TANGO6: variants seen among roughly 807,000 people sequenced by gnomAD.
TANGO6 encodes the protein transport and Golgi organization protein 6 homolog.
TANGO6 carries 90 observed loss-of-function variants against 114.2 expected under a neutral mutation model. The ratio of observed to expected loss-of-function variants is 0.79; its 90% CI spans 0.66 to 0.94. TANGO6 has a LOEUF of 0.94. Ranked by LOEUF, TANGO6 falls within the 40% of genes least tolerant of loss-of-function variation. TANGO6 has a pLI of 0.00. For synonymous variants in TANGO6, 477 were observed against 509.8 expected (o/e 0.94, Z 0.87); for missense variants, 1,274 against 1,315.3 (o/e 0.97, Z 0.49).
intron 1 of TANGO6, among the ~76,000 whole-genome samples, chr16:68,844,860 CCACTAAAAGTATGGTAAATATGCTA>C (rs998548897): frequency 1.4e-4 from 21 of 152,162 alleles, no homozygotes; most frequent in African/African-American, 4.6e-4. Context: ...TAGGTTATTT[CCACTAAAAGTATGGTAAATATGCTA>C]CATTGTCTCA....
rs1198050231 is a variant in TANGO6 at position 68,943,363 on chromosome 16, ATTT to A, written c.2701+13084_2701+13086del. Among the ~76,000 whole-genome samples the A allele has an allele frequency of 7.0e-3, 917 of 131,592 alleles. 13 individuals are homozygous for A. The highest frequency in any genetic ancestry group is 0.024 in the African/African-American group (873 of 35,742). 86.3% of individuals were successfully genotyped at this position (131,592 alleles called of 152,430 possible). On this transcript the variant is annotated intron_variant, in intron 14 of 17. Coordinates refer to ENST00000261778, the MANE Select transcript of TANGO6 (RefSeq NM_024562.2). ...AGCTCACTGCAACCTGAATCTGAGAATTTTTTTTTTTTTTTTTTGAGACAGAGT... is the reference window on the plus strand; with the variant it reads ...AGCTCACTGCAACCTGAATCTGAGAATTTTTTTTTTTTTTTGAGACAGAGT...
At chr16:69,020,050 A>G (rs1038208801) in intron 15 of TANGO6, among the ~76,000 whole-genome samples, 29 of 152,356 alleles carry the variant, frequency 1.9e-4, no homozygotes, top group African/African-American at 4.6e-4. Flanking sequence ...TTGTCATTGT[A>G]CAAACATCAT....
intron 17 of TANGO6, among the ~76,000 whole-genome samples, chr16:69,057,057 G>A (rs535178313): frequency 4.5e-5 from 6 of 132,254 alleles, no homozygotes; most frequent in Non-Finnish European, 7.6e-5. Flanking sequence ...TGCCCAGGCT[G>A]GAGTGCAGAG....
At chr16:68,935,072 T>C (rs1182404478) in intron 14 of TANGO6, among the ~76,000 whole-genome samples, 1 of 152,218 alleles carries the variant, frequency 6.6e-6, no homozygotes, top group Non-Finnish European at 1.5e-5. Context: ...AAGCCAAGGC[T>C]TCAGGTGAGT....
Position 68,940,272 on chromosome 16 carries a change from A to C in TANGO6, c.2701+9977A>C, listed in dbSNP as rs571644089. 2.0e-5 allele frequency among the ~76,000 whole-genome samples: 3 copies of C among 150,442 alleles called. No individual in the cohort carries two copies. The Admixed American group carries it at 2.0e-4, about 10-fold the overall frequency. Reference sequence around the variant, plus strand: ...TCACTGTGTCACCAAGGCTGGTCTCAAACTCCTGGGCTGAAACTACCCTCT... The same window carrying C: ...TCACTGTGTCACCAAGGCTGGTCTCCAACTCCTGGGCTGAAACTACCCTCT... On this transcript the variant is annotated intron_variant, in intron 14 of 17. Transcript: ENST00000261778.
intron 17 of TANGO6, among the ~76,000 whole-genome samples, chr16:69,074,386 A>G (rs1257519624): frequency 6.6e-6 from 1 of 151,992 alleles, no homozygotes. Context: ...TGGAAAGTAA[A>G]AGCAAATTTA....
At chr16:68,911,355 A>G (rs757548756) in intron 11 of TANGO6, among the ~76,000 whole-genome samples, 7 of 152,052 alleles carry the variant, frequency 4.6e-5, no homozygotes, top group East Asian at 1.9e-4. Flanking sequence ...TCCATTGTCA[A>G]TCCCAAGAAG....
At chr16:69,067,474 C>T (rs534736220) in intron 17 of TANGO6, among the ~76,000 whole-genome samples, 92 of 146,192 alleles carry the variant, frequency 6.3e-4, no homozygotes, top group African/African-American at 2.2e-3. Flanking sequence ...GCCAAGATTG[C>T]GCCACTGAAC....
At chr16:69,046,526 G>C (rs1959862008) in intron 17 of TANGO6, among the ~76,000 whole-genome samples, 1 of 152,034 alleles carries the variant, frequency 6.6e-6, no homozygotes, top group Admixed American at 6.6e-5. Flanking sequence ...ATGTTGGTCA[G>C]GCTGGTCTCA....
At chr16:69,073,812 C>T (rs541677385) in intron 17 of TANGO6, among the ~76,000 whole-genome samples, 192 of 151,862 alleles carry the variant, frequency 1.3e-3, no homozygotes, top group African/African-American at 4.3e-3. Context: ...AAAATTAGCT[C>T]GGCATGGTGG....
intron 17 of TANGO6, among the ~76,000 whole-genome samples, chr16:69,067,937 CA>C (rs1217551130): frequency 0.16 from 10,616 of 66,514 alleles, 852 homozygotes; most frequent in African/African-American, 0.35. Flanking sequence ...AACTCTGTCT[CA>C]AAAAAAAAAA....
intron 17 of TANGO6, among the ~76,000 whole-genome samples, chr16:69,071,568 AGT>A (rs1205394808): frequency 6.6e-6 from 1 of 152,224 alleles, no homozygotes; most frequent in Non-Finnish European, 1.5e-5. Context: ...ATAATTTTTA[AGT>A]GTAAATGAAT....
chr16:69,000,450 G>C (rs547616198), intron 15 of TANGO6, among the ~76,000 whole-genome samples: 1 of 152,092 alleles, frequency 6.6e-6, no homozygotes, highest in East Asian at 1.9e-4. Context: ...ATTTCAAAAA[G>C]ACAAAAACTT....
In TANGO6 at chr16:68,974,036, C is replaced by A. The variant is rs1284683103; in HGVS notation, c.2710C>A (p.Leu904Met). ...TTTGTTTTCAACCCCAGGGGTTGCCCTGCTGTCAGACGTCTATCCTGAGAA... is the reference window on the plus strand; with the variant it reads ...TTTGTTTTCAACCCCAGGGGTTGCCATGCTGTCAGACGTCTATCCTGAGAA... ...VYLSAIQGVA[L>M]LSDVYPEKIL... The change falls in exon 15 of 18, where the codon CTG becomes ATG. Residue 904 changes from leucine (L) to methionine (M), a missense_variant. By Grantham distance (15) the Leu-to-Met change is conservative. Transcript: ENST00000261778. The A allele has an allele frequency of 6.2e-7, 1 of 1,607,166 alleles. No individual in the cohort carries two copies. The highest frequency in any genetic ancestry group is 1.7e-5 in the Admixed American group (1 of 58,236).
At chr16:69,063,245 G>T (rs1432431707) in intron 17 of TANGO6, among the ~76,000 whole-genome samples, 1 of 150,834 alleles carries the variant, frequency 6.6e-6, no homozygotes, top group African/African-American at 2.4e-5. Flanking sequence ...AAACACTGGG[G>T]CCGGGCGCGG....
Position 69,068,337 on chromosome 16 carries a change from C to T in TANGO6, c.3109-15148C>T, listed in dbSNP as rs978526064. Among the ~76,000 whole-genome samples the T allele has an allele frequency of 1.2e-4, 18 of 151,986 alleles. No individual in the cohort carries two copies. In the South Asian group the frequency reaches 1.5e-3, roughly 12 times the overall value. On this transcript the variant is annotated intron_variant, in intron 17 of 17. Coordinates refer to ENST00000261778, the MANE Select transcript of TANGO6 (RefSeq NM_024562.2). ...TCATAATAAAAACCGCTTTGAGAGA[C>T]GGTACAGTATAGTGATTAATAAAGA...
rs750286828 is a variant in TANGO6 at position 68,919,908 on chromosome 16, G to A, written c.2127+689G>A. ...AATATTTAAAAAAAATTAGCTGGGCGTGGTGGCGGGTGCCTGTAATCCCAG... is the reference window on the plus strand; with the variant it reads ...AATATTTAAAAAAAATTAGCTGGGCATGGTGGCGGGTGCCTGTAATCCCAG... On this transcript the variant is annotated intron_variant, in intron 12 of 17. Transcript: ENST00000261778. 5.9e-5 allele frequency among the ~76,000 whole-genome samples: 9 copies of A among 152,114 alleles called. No individual in the cohort carries two copies. The South Asian group carries it at 6.2e-4, about 11-fold the overall frequency.
At chr16:68,971,455 T>C (rs889908186) in intron 14 of TANGO6, among the ~76,000 whole-genome samples, 4 of 151,894 alleles carry the variant, frequency 2.6e-5, no homozygotes, top group Admixed American at 1.3e-4. Flanking sequence ...AAATTATTTT[T>C]ATAGAGATGG....
rs181682652 is a variant in TANGO6, at chr16:68,895,823, A to G, written c.1378-4611A>G. Among the ~76,000 whole-genome samples, 704 of 152,336 alleles carry G rather than the reference A, an allele frequency of 4.6e-3. 8 individuals carry two copies. The highest frequency in any genetic ancestry group is 0.016 in the African/African-American group (680 of 41,584). On this transcript the variant is annotated intron_variant, in intron 7 of 17. Transcript: ENST00000261778. Reference sequence around the variant, plus strand: ...GGCAGATAAAAGAAACTGTATTTTTAAAAATTATGTATTTTTATTATTTTA... The same window carrying G: ...GGCAGATAAAAGAAACTGTATTTTTGAAAATTATGTATTTTTATTATTTTA...
Sources: allele counts gnomAD v4.1 joint callset (sites outside exome capture counted in the v4.1 genomes callset), GRCh38; gene constraint gnomAD v4.1.1; transcripts MANE v1.5; gene names NCBI Gene and HGNC (gene_info 2026-07-23, HGNC 2026-07-21).